EDARADD: variants seen among roughly 807,000 people sequenced by gnomAD.
EDARADD encodes the protein ectodysplasin-A receptor-associated adapter protein.
EDARADD carries 20 observed loss-of-function variants against 25.6 expected under a neutral mutation model. That is an observed-to-expected ratio of 0.78 (90% CI 0.55 to 1.14). The LOEUF (loss-of-function observed/expected upper bound fraction) is 1.14, where lower values mean the gene tolerates loss of function less well. Ranked by LOEUF, EDARADD falls within the 50% of genes most tolerant of loss-of-function variation. The pLI, the probability that EDARADD is intolerant of heterozygous loss-of-function variation, is 0.00. For synonymous variants in EDARADD, 86 were observed against 94.4 expected, an observed-to-expected ratio of 0.91 and a Z score of 0.52; for missense variants, 225 against 270.1, an observed-to-expected ratio of 0.83 and a Z score of 1.17.
chr1:236,379,585 C>T (rs927771294), intron 3 of EDARADD, among the ~76,000 whole-genome samples: 1 of 152,006 alleles, frequency 6.6e-6, no homozygotes, highest in Admixed American at 6.6e-5. Context: ...TCGACACCAG[C>T]CTGGCCAACA....
At chr1:236,450,197 G>A (rs1043054696) in intron 4 of EDARADD, among the ~76,000 whole-genome samples, 8 of 151,968 alleles carry the variant, frequency 5.3e-5, no homozygotes, top group East Asian at 1.9e-4. Flanking sequence ...CTTGGGTGGC[G>A]GTGGCTGAGG....
At chr1:236,379,549 C>T (rs1023306237) in intron 3 of EDARADD, among the ~76,000 whole-genome samples, 5 of 152,046 alleles carry the variant, frequency 3.3e-5, no homozygotes, top group South Asian at 2.1e-4. Context: ...GAGGCCGAGG[C>T]GGGCAGATCA....
In EDARADD at chr1:236,369,529, G is replaced by A. The variant is rs550247218; in HGVS notation, c.-6+18690G>A. 1.9e-4 allele frequency among the ~76,000 whole-genome samples: 29 copies of A among 152,230 alleles called. No homozygotes were observed. The South Asian group carries it at 2.9e-3, about 15-fold the overall frequency. The stretch of plus-strand genomic sequence containing the variant: ...ATCCATTGTTTTTTGTATAAGAGCC[G>A]GTACTTATCATAAAATTGTTATCAT... On this transcript the variant is annotated intron_variant, in intron 3 of 7. Coordinates refer to the EDARADD transcript ENST00000439430.
At chr1:236,480,191 T>C (rs1659634608) in intron 5 of EDARADD, among the ~76,000 whole-genome samples, 1 of 146,924 alleles carries the variant, frequency 6.8e-6, no homozygotes, top group South Asian at 2.2e-4. Flanking sequence ...GTAGAATTCA[T>C]ACATTCTTTC....
upstream of EDARADD, among the ~76,000 whole-genome samples, chr1:236,390,941 G>GTATTATTATTATTA (rs1667414556): frequency 6.7e-6 from 1 of 148,852 alleles, no homozygotes; most frequent in African/African-American, 2.5e-5. Flanking sequence ...TCTTGGGTTA[G>GTATTATTATTATTA]TTGTTATTAT....
At chr1:236,374,138 A>C (rs1219693638) in intron 3 of EDARADD, among the ~76,000 whole-genome samples, 1 of 150,658 alleles carries the variant, frequency 6.6e-6, no homozygotes, top group Non-Finnish European at 1.5e-5. Flanking sequence ...TGTGTTCTAC[A>C]GTTGTTAGAT....
chr1:236,433,163 A>G (rs1051195903), intron 4 of EDARADD, among the ~76,000 whole-genome samples: 2 of 86,620 alleles, frequency 2.3e-5, no homozygotes, highest in Non-Finnish European at 7.7e-5. Flanking sequence ...TTTAGATTCT[A>G]GATCAATGAA....
intron 3 of EDARADD, among the ~76,000 whole-genome samples, chr1:236,381,059 T>C (rs1194883676): frequency 1.3e-5 from 2 of 152,220 alleles, no homozygotes; most frequent in Non-Finnish European, 2.9e-5. Flanking sequence ...TCTGCCTTTG[T>C]AATCCATCCT....
intron 3 of EDARADD, among the ~76,000 whole-genome samples, chr1:236,380,362 C>T (rs1468202705): frequency 6.6e-6 from 1 of 151,938 alleles, no homozygotes; most frequent in Non-Finnish European, 1.5e-5. Context: ...ATTAATATTA[C>T]TTTTGTTTTT....
chr1:236,431,575 T>C (rs1658094934), intron 4 of EDARADD, among the ~76,000 whole-genome samples: 1 of 152,228 alleles, frequency 6.6e-6, no homozygotes, highest in Non-Finnish European at 1.5e-5. Context: ...AAGACCAATC[T>C]GAACTGGGTA....
intron 4 of EDARADD, 111 bp from the exon 5 acceptor site, chr1:236,468,120 C>T: frequency 3.8e-6 from 4 of 1,042,666 alleles, no homozygotes; most frequent in Non-Finnish European, 6.0e-6. Flanking sequence ...AGTCCCTCCA[C>T]CCACCCCAGC....
intron 3 of EDARADD, among the ~76,000 whole-genome samples, chr1:236,423,690 A>G (rs1657836795): frequency 6.6e-6 from 1 of 152,188 alleles, no homozygotes; most frequent in South Asian, 2.1e-4. Flanking sequence ...TGAACAGAAC[A>G]TATTAGGCAA....
chr1:236,476,667 AG>A (rs1305410615), intron 5 of EDARADD, among the ~76,000 whole-genome samples: 5 of 151,966 alleles, frequency 3.3e-5, no homozygotes, highest in African/African-American at 1.2e-4. Flanking sequence ...CTGGGATTAC[AG>A]GCATGTGCCA....
At chr1:236,440,108 A>G (rs1658362257) in intron 4 of EDARADD, among the ~76,000 whole-genome samples, 1 of 152,184 alleles carries the variant, frequency 6.6e-6, no homozygotes, top group Admixed American at 6.5e-5. Flanking sequence ...CATTTGTTGA[A>G]AAAACTATCT....
At chr1:236,425,774 A>G (rs1432671669) in intron 3 of EDARADD, among the ~76,000 whole-genome samples, 2 of 152,158 alleles carry the variant, frequency 1.3e-5, no homozygotes, top group Admixed American at 6.5e-5. Context: ...CAAACAATCA[A>G]CAAAGACAAC....
chr1:236,408,957 A>G (rs945119977), intron 1 of EDARADD, among the ~76,000 whole-genome samples: 2 of 150,726 alleles, frequency 1.3e-5, no homozygotes, highest in Non-Finnish European at 3.0e-5. Context: ...GGGTTTTACC[A>G]TGTTGACCAG....
At chr1:236,406,090 T>G (rs575965844) in intron 1 of EDARADD, among the ~76,000 whole-genome samples, 2 of 151,646 alleles carry the variant, frequency 1.3e-5, no homozygotes, top group African/African-American at 4.8e-5. Context: ...TACCTGAAAT[T>G]TCACTGTGTT....
chr1:236,356,751 CAAAACAAAAAAA>C (rs1666979699), intron 3 of EDARADD, among the ~76,000 whole-genome samples: 1 of 127,894 alleles, frequency 7.8e-6, no homozygotes, highest in Non-Finnish European at 1.6e-5. Context: ...TAAAACAAAA[CAAAACAAAAAAA>C]AAAACCACAC....
chr1:236,468,844 C>T (rs774119695), intron 5 of EDARADD, among the ~76,000 whole-genome samples: 29 of 152,076 alleles, frequency 1.9e-4, no homozygotes, highest in African/African-American at 6.5e-4. Context: ...TAGGATCAGG[C>T]CAGTCGGGAC....
Sources: gnomAD v4.1 joint callset for allele counts (sites outside exome capture counted in the v4.1 genomes callset) on GRCh38, gnomAD v4.1.1 for gene constraint, MANE v1.5 for transcripts, NCBI Gene and HGNC (gene_info 2026-07-23, HGNC 2026-07-21) for gene names.